The following CASZ1 variants were observed in gnomAD, a reference collection of about 807,000 sequenced individuals.
CASZ1 encodes the protein castor zinc finger 1, also known as zinc finger protein castor homolog 1.
In CASZ1, 28 loss-of-function variants were observed where a neutral mutation model predicts 135.2. The ratio of observed to expected loss-of-function variants is 0.21; its 90% CI spans 0.15 to 0.28. The LOEUF (loss-of-function observed/expected upper bound fraction) is 0.28, where lower values mean the gene tolerates loss of function less well. Ranked by LOEUF, CASZ1 falls within the 10% of genes least tolerant of loss-of-function variation. The pLI, the probability that CASZ1 is intolerant of heterozygous loss-of-function variation, is 1.00. For missense variants in CASZ1, 2,161 were observed against 2,453.3 expected (o/e 0.88, Z 2.52); for synonymous variants, 1,068 against 1,073.4 (o/e 0.99, Z 0.10).
intron 2 of CASZ1, among the ~76,000 whole-genome samples, chr1:10,718,161 G>A (rs914644280): frequency 5.9e-5 from 9 of 152,276 alleles, no homozygotes; most frequent in East Asian, 3.9e-4. Flanking sequence ...AGCAGGGCTC[G>A]GCTCTGCTAA....
chr1:10,761,028 CG>C (rs1195421598), intron 1 of CASZ1, among the ~76,000 whole-genome samples, 171 bp from the exon 2 acceptor site: 2 of 152,262 alleles, frequency 1.3e-5, no homozygotes, highest in Non-Finnish European at 2.9e-5. Context: ...GGCATTGCCA[CG>C]GCGCATACCA....
chr1:10,648,944 T>C (rs1281932538), intron 15 of CASZ1, 126 bp downstream of exon 15: 1 of 1,325,566 alleles, frequency 7.5e-7, no homozygotes, highest in Non-Finnish European at 1.0e-6. Context: ...GGGCAGCATC[T>C]CCGAGAAGCC....
intron 15 of CASZ1, 107 bp from the exon 16 acceptor site, chr1:10,648,246 C>T (rs1570406306): frequency 5.0e-6 from 4 of 800,354 alleles, no homozygotes; most frequent in East Asian, 5.5e-5. Context: ...CGTCCCTACT[C>T]GTCCCCATCA....
intron 2 of CASZ1, among the ~76,000 whole-genome samples, chr1:10,722,964 A>G (rs1333096900): frequency 6.6e-6 from 1 of 152,192 alleles, no homozygotes; most frequent in Non-Finnish European, 1.5e-5. Context: ...GTCCTGCGGG[A>G]AGGAGGTGAG....
In CASZ1 at chr1:10,727,197, G is replaced by A. The variant is rs571742827; in HGVS notation, c.-76-21653C>T. On this transcript the variant is annotated intron_variant, in intron 2 of 20. Transcript: ENST00000377022. The surrounding 1 kb of genome is among the most constrained non-coding windows in gnomAD (Gnocchi z 5.3). ...GGTGGCCAGGGGTAGGGAGAGGCCC[G>A]CGACCGTCCCAGGCCTGTGGGAAGC... Among the ~76,000 whole-genome samples, 21 of 152,088 alleles carry A rather than the reference G, an allele frequency of 1.4e-4. No individual in the cohort carries two copies. The highest frequency in any genetic ancestry group is 1.9e-4 in the Non-Finnish European group (13 of 67,966).
chr1:10,728,063 T>C (rs1232193619), intron 2 of CASZ1, among the ~76,000 whole-genome samples: 1 of 152,172 alleles, frequency 6.6e-6, no homozygotes, highest in African/African-American at 2.4e-5. Flanking sequence ...CGGTGGTAGG[T>C]CTGCTCCTTC....
At chr1:10,658,331 C>G in intron 7 of CASZ1, 177 bp downstream of exon 7, 1 of 610,596 alleles carries the variant, frequency 1.6e-6, no homozygotes, top group Non-Finnish European at 3.0e-6. Context: ...GAGGGAGGCT[C>G]CCAAACGGGC....
In CASZ1 at chr1:10,666,625, G is replaced by T. The variant is rs1042316505; in HGVS notation, c.17-1054C>A. The stretch of plus-strand genomic sequence containing the variant: ...TGTGACAGCCCGACACACACAGCCG[G>T]AAGGAAGCCCTCATGAGGCGACTTG... On this transcript the variant is annotated intron_variant, in intron 4 of 20. Transcript: ENST00000377022. This position sits in a 1 kb window ranked among gnomAD's most constrained non-coding sequence, Gnocchi z 5.2. Among the ~76,000 whole-genome samples, 1 of 152,150 alleles carries T rather than the reference G, an allele frequency of 6.6e-6. No homozygotes were observed.
intron 3 of CASZ1, among the ~76,000 whole-genome samples, chr1:10,695,577 G>GC (rs1557514564): frequency 7.1e-4 from 11 of 15,562 alleles, no homozygotes; most frequent in Non-Finnish European, 9.3e-4. Flanking sequence ...TCCCCTCCCC[G>GC]CCACCCCCCC....
In CASZ1 at chr1:10,657,172, C is replaced by G. The variant is rs1276632870; in HGVS notation, c.1410-436G>C. On this transcript the variant is annotated intron_variant, in intron 7 of 20. Coordinates refer to ENST00000377022, the MANE Select transcript of CASZ1 (RefSeq NM_001079843.3). This position sits in a 1 kb window ranked among gnomAD's most constrained non-coding sequence, Gnocchi z 5.7. The stretch of plus-strand genomic sequence containing the variant: ...GGGCTCTCTCTGTCCTGGGCTTTTC[C>G]TGACACTTGAAACAGTGCAGAGCTA... 6.6e-6 allele frequency among the ~76,000 whole-genome samples: 1 copy of G among 152,240 alleles called. No individual in the cohort carries two copies. The highest frequency in any genetic ancestry group is 1.9e-4 in the East Asian group (1 of 5,198).
rs551939247 is a variant in CASZ1 at position 10,649,386 on chromosome 1, C to T, written c.2932G>A (p.Ala978Thr). 9 of 1,609,984 alleles carry T rather than the reference C, an allele frequency of 5.6e-6. No homozygotes were observed. The African/African-American group carries it at 1.1e-4, about 19-fold the overall frequency. The change falls in exon 14 of 21, where the codon GCG (alanine) becomes ACG (threonine). Residue 978 changes from alanine to threonine, a missense_variant. Around this residue, in one of 7 missense-constraint regions of CASZ1, gnomAD observed 406 missense variants for 387.6 expected, o/e 1.05. Transcript: ENST00000377022. ...LGSLLNIKAE[A>T]EGSPAAEPSP... ...GGCTCCGCAGCGGGGCTCCCCTCCG[C>T]TTCCGCCTTGATGTTCAGCAGGCTG...
chr1:10,651,092 G>A lies in CASZ1; in HGVS notation c.2681-16C>T, dbSNP rs775979915. The A allele has an allele frequency of 4.7e-6, 7 of 1,489,356 alleles. No individual in the cohort carries two copies. The African/African-American group carries it at 5.6e-5, about 12-fold the overall frequency. The allele number at this position is 1,489,356 out of a possible 1,614,324, so 92.3% of individuals were successfully genotyped here. ...TGCCCGCTTCCTGCAGGGGAGGGGT[G>A]GGAAGATGCGTCAGAGGGGCTGAAG... On this transcript the variant is annotated splice_polypyrimidine_tract_variant and intron_variant, in intron 11 of 20. Coordinates refer to ENST00000377022, the MANE Select transcript of CASZ1 (RefSeq NM_001079843.3).
intron 4 of CASZ1, among the ~76,000 whole-genome samples, chr1:10,670,249 G>A (rs1416899324): frequency 6.6e-6 from 1 of 152,188 alleles, no homozygotes; most frequent in Admixed American, 6.5e-5. Flanking sequence ...GATGCCCCCA[G>A]GATCTCCACA....
chr1:10,660,823 A>G (rs1402419235), intron 5 of CASZ1: 3 of 468,892 alleles, frequency 6.4e-6, no homozygotes, highest in Non-Finnish European at 1.1e-5. Flanking sequence ...CATTAAACAA[A>G]GTTTCATAAA....
In CASZ1 at chr1:10,694,513, A is replaced by G. The variant is rs1424238771; in HGVS notation, c.-23-601T>C. ...GCTGCCAGGCGCCGCGGTGATTGGC[A>G]GGGCGGCCGCGGCGCCGCCTCCTCG... On this transcript the variant is annotated intron_variant, in intron 3 of 20. Transcript: ENST00000377022. This position sits in a 1 kb window ranked among gnomAD's most constrained non-coding sequence, Gnocchi z 6.6. 7 of 146,756 alleles carry G rather than the reference A, an allele frequency of 4.8e-5. No homozygotes were observed. Among genetic ancestry groups the G allele is most frequent in the Non-Finnish European group, 7.3e-5 (5 of 68,294 alleles). The allele number at this position is 146,756 out of a possible 1,614,324, so 9.1% of individuals were successfully genotyped here.
intron 13 of CASZ1, 195 bp from the exon 14 acceptor site, chr1:10,649,632 A>C (rs1557464614): frequency 1.6e-6 from 1 of 610,224 alleles, no homozygotes; most frequent in Non-Finnish European, 2.8e-6. Context: ...TGCTGCCCCG[A>C]CCCCAGGAGC....
intron 2 of CASZ1, among the ~76,000 whole-genome samples, chr1:10,722,908 C>T (rs149566651): frequency 2.1e-3 from 321 of 152,364 alleles, no homozygotes; most frequent in African/African-American, 7.4e-3. Flanking sequence ...GGATGCCATC[C>T]GGGGGAGCTT....
chr1:10,645,176 G>C (rs1470713769), intron 17 of CASZ1, 88 bp from the exon 18 acceptor site: 3 of 1,133,736 alleles, frequency 2.6e-6, no homozygotes, highest in Non-Finnish European at 3.9e-6. Flanking sequence ...GTGGGCCCTT[G>C]GCACATGTGT....
In CASZ1 at chr1:10,720,125, G is replaced by A. The variant is rs188775718; in HGVS notation, c.-76-14581C>T. On this transcript the variant is annotated intron_variant, in intron 2 of 20. Transcript: ENST00000377022. The surrounding 1 kb of genome is among the most constrained non-coding windows in gnomAD (Gnocchi z 5.7). ...GTTCTGAAGTCTGGTAGGTACCGATGGGCATGTGATCTGGCCTCTCCGAGG... is the reference window on the plus strand; with the variant it reads ...GTTCTGAAGTCTGGTAGGTACCGATAGGCATGTGATCTGGCCTCTCCGAGG... Among the ~76,000 whole-genome samples the A allele has an allele frequency of 1.3e-5, 2 of 152,328 alleles. No homozygotes were observed. Among genetic ancestry groups the A allele is most frequent in the Admixed American group, 1.3e-4 (2 of 15,306 alleles).
Sources: allele counts gnomAD v4.1 joint callset (sites outside exome capture counted in the v4.1 genomes callset), GRCh38; gene constraint gnomAD v4.1.1; regional missense constraint gnomAD v4.1.1; non-coding constraint Gnocchi (gnomAD v3.1); transcripts MANE v1.5; gene names NCBI Gene and HGNC (gene_info 2026-07-23, HGNC 2026-07-21).